Variants in DNAJC3 observed in about 807,000 individuals in gnomAD.
DNAJC3 encodes DnaJ heat shock protein family (Hsp40) member C3.
DNAJC3 carries 38 observed loss-of-function variants against 68.6 expected under a neutral mutation model. That is an observed-to-expected ratio of 0.55 (90% confidence interval 0.43 to 0.73). DNAJC3 has a LOEUF of 0.73. DNAJC3 is among the 30% of genes least tolerant of loss of function. The probability of loss-of-function intolerance (pLI) is 0.00; values close to 1 mark genes in which losing one functional copy is unlikely to be tolerated. For missense variants in DNAJC3, 526 were observed against 591.9 expected (o/e 0.89, Z 1.16); for synonymous variants, 203 against 204.0 (o/e 1.00, Z 0.04).
intron 1 of DNAJC3, among the ~76,000 whole-genome samples, chr13:95,701,323 A>G (rs888263858): frequency 6.6e-6 from 1 of 152,228 alleles, no homozygotes; most frequent in African/African-American, 2.4e-5. Flanking sequence ...GAAACTGTAG[A>G]CACAAGAATA....
intron 9 of DNAJC3, among the ~76,000 whole-genome samples, chr13:95,784,630 T>C (rs1883543814): frequency 1.3e-5 from 2 of 152,180 alleles, no homozygotes; most frequent in Admixed American, 1.3e-4. Flanking sequence ...GTATTTTTCA[T>C]ACAAACAGTT....
chr13:95,685,683 T>A (rs925423969), intron 1 of DNAJC3, among the ~76,000 whole-genome samples: 4 of 151,766 alleles, frequency 2.6e-5, no homozygotes, highest in Admixed American at 6.6e-5. Flanking sequence ...TGGTGGTAGG[T>A]TTTTTGTTTT....
In DNAJC3 at chr13:95,791,098, CCTAATGAAAAAAAATTTCAAAT is replaced by C; in HGVS notation, c.*71_*92del. Reference sequence around the variant, plus strand: ...AAACAAAGAAATCTTGTTCCGGGACCCTAATGAAAAAAAATTTCAAATCTTTTCAGTTTGTCCATGACCAAAG... The same window carrying C: ...AAACAAAGAAATCTTGTTCCGGGACCCTTTTCAGTTTGTCCATGACCAAAG... On this transcript the variant is annotated 3_prime_UTR_variant, in exon 12 of 12. Coordinates refer to ENST00000602402, the MANE Select transcript of DNAJC3 (RefSeq NM_006260.5). 6.4e-7 allele frequency: 1 copy of C among 1,563,602 alleles called. No individual in the cohort carries two copies. Among genetic ancestry groups the C allele is most frequent in the African/African-American group, 1.4e-5 (1 of 72,102 alleles).
At chr13:95,781,086 C>T (rs146914290) in intron 9 of DNAJC3, among the ~76,000 whole-genome samples, 1 of 152,006 alleles carries the variant, frequency 6.6e-6, no homozygotes, top group East Asian at 1.9e-4. Context: ...CCCAGTGAGC[C>T]CTGCTTCACT....
At chr13:95,688,965 T>TGTGTGC (rs1491401957) in intron 1 of DNAJC3, among the ~76,000 whole-genome samples, 2,498 of 130,990 alleles carry the variant, frequency 0.019, 98 homozygotes, top group African/African-American at 0.06. Context: ...TGTGTGTGTG[T>TGTGTGC]GCGCGCTGTT....
intron 9 of DNAJC3, among the ~76,000 whole-genome samples, chr13:95,778,772 A>G (rs1211327184): frequency 1.3e-5 from 2 of 152,188 alleles, no homozygotes; most frequent in African/African-American, 4.8e-5. Context: ...TTTTTTAGTA[A>G]TACACTGTGT....
chr13:95,731,551 A>G (rs1881708721), intron 4 of DNAJC3, among the ~76,000 whole-genome samples: 1 of 152,144 alleles, frequency 6.6e-6, no homozygotes, highest in Non-Finnish European at 1.5e-5. Flanking sequence ...ATCTTTTGAG[A>G]TGATTGTATG....
intron 1 of DNAJC3, among the ~76,000 whole-genome samples, chr13:95,697,673 A>G (rs1880479262): frequency 6.6e-6 from 1 of 151,872 alleles, no homozygotes; most frequent in Non-Finnish European, 1.5e-5. Context: ...GTTGTTTTAC[A>G]TAATCCCATA....
chr13:95,771,801 C>T (rs891250286), intron 9 of DNAJC3, among the ~76,000 whole-genome samples: 1 of 152,034 alleles, frequency 6.6e-6, no homozygotes, highest in African/African-American at 2.4e-5. Context: ...TCCCACCCCC[C>T]CACAGGCAAC....
intron 3 of DNAJC3, among the ~76,000 whole-genome samples, chr13:95,723,929 T>A (rs754694511): frequency 6.6e-6 from 1 of 152,174 alleles, no homozygotes; most frequent in Non-Finnish European, 1.5e-5. Flanking sequence ...AGGGAGGGAC[T>A]CATGAGGTAG....
In DNAJC3 at chr13:95,791,117, A is replaced by T; in HGVS notation, c.*87A>T. The stretch of plus-strand genomic sequence containing the variant: ...CGGGACCCTAATGAAAAAAAATTTC[A>T]AATCTTTTCAGTTTGTCCATGACCA... On this transcript the variant is annotated 3_prime_UTR_variant, in exon 12 of 12. Coordinates refer to ENST00000602402, the MANE Select transcript of DNAJC3 (RefSeq NM_006260.5). 1 of 1,489,688 alleles carries T rather than the reference A, an allele frequency of 6.7e-7. No homozygotes were observed. Among genetic ancestry groups the T allele is most frequent in the East Asian group, 2.3e-5 (1 of 43,544 alleles). The allele number at this position is 1,489,688 out of a possible 1,614,324, so 92.3% of individuals were successfully genotyped here.
At chr13:95,716,734 G>A (rs1172345643) in intron 2 of DNAJC3, among the ~76,000 whole-genome samples, 2 of 152,184 alleles carry the variant, frequency 1.3e-5, no homozygotes, top group Non-Finnish European at 2.9e-5. Flanking sequence ...TTCTGCCATC[G>A]CTGCTCTGCC....
chr13:95,694,740 G>A (rs569576952), intron 1 of DNAJC3: 36 of 152,670 alleles, frequency 2.4e-4, no homozygotes, highest in African/African-American at 8.2e-4. Flanking sequence ...CTACACACCG[G>A]ACACCTTAAC....
chr13:95,731,246 A>G (rs1033499701), intron 4 of DNAJC3, among the ~76,000 whole-genome samples: 10 of 152,142 alleles, frequency 6.6e-5, no homozygotes, highest in Non-Finnish European at 1.2e-4. Context: ...GCAAAGTGGG[A>G]CAATTTGACT....
intron 4 of DNAJC3, among the ~76,000 whole-genome samples, chr13:95,746,177 G>A (rs1882299908): frequency 6.6e-6 from 1 of 152,200 alleles, no homozygotes; most frequent in Non-Finnish European, 1.5e-5. Context: ...GACTTCTGTA[G>A]AATATGGGCA....
chr13:95,779,320 T>G (rs1341674027), intron 9 of DNAJC3, among the ~76,000 whole-genome samples: 1 of 151,916 alleles, frequency 6.6e-6, no homozygotes, highest in Non-Finnish European at 1.5e-5. Flanking sequence ...GAGACGGGGT[T>G]TCACCGTGTT....
intron 4 of DNAJC3, among the ~76,000 whole-genome samples, chr13:95,739,064 A>T (rs1431935420): frequency 2.0e-5 from 3 of 151,772 alleles, no homozygotes; most frequent in Non-Finnish European, 4.4e-5. Context: ...AAAGGATTTT[A>T]TTTCTCCTTC....
chr13:95,790,866 T>G lies in DNAJC3; in HGVS notation c.1358-7T>G. The G allele has an allele frequency of 1.9e-6, 3 of 1,606,718 alleles. No homozygotes were observed. The highest frequency in any genetic ancestry group is 2.5e-6 in the Non-Finnish European group (3 of 1,178,176). On this transcript the variant is annotated splice_polypyrimidine_tract_variant and splice_region_variant and intron_variant, in intron 11 of 11. Coordinates refer to ENST00000602402, the MANE Select transcript of DNAJC3 (RefSeq NM_006260.5). ...ATCTGGTTCTTAATTTTCTGATTTCTTTCTAGAAATGAGAAAGAAGTTTGA... is the reference window on the plus strand; with the variant it reads ...ATCTGGTTCTTAATTTTCTGATTTCGTTCTAGAAATGAGAAAGAAGTTTGA...
intron 4 of DNAJC3, among the ~76,000 whole-genome samples, chr13:95,734,085 G>A (rs550847906): frequency 6.6e-6 from 1 of 152,232 alleles, no homozygotes; most frequent in Admixed American, 6.5e-5. Flanking sequence ...GTTTTCTGTA[G>A]TGGTAACATT....
Sources: gnomAD v4.1 joint callset for allele counts (sites outside exome capture counted in the v4.1 genomes callset) on GRCh38, gnomAD v4.1.1 for gene constraint, MANE v1.5 for transcripts, NCBI Gene and HGNC (gene_info 2026-07-23, HGNC 2026-07-21) for gene names.